LAMC2: variants seen among roughly 807,000 people sequenced by gnomAD.
LAMC2 encodes the protein laminin subunit gamma 2.
LAMC2 carries 97 observed loss-of-function variants against 140.2 expected under a neutral mutation model. The observed-to-expected ratio is 0.69, with a 90% CI of 0.59 to 0.82. The LOEUF (loss-of-function observed/expected upper bound fraction) is 0.82, where lower values mean the gene tolerates loss of function less well. LAMC2 is among the 40% of genes least tolerant of loss of function. LAMC2 has a pLI of 0.00. For synonymous variants in LAMC2, 513 were observed against 540.2 expected (o/e 0.95, Z 0.70); for missense variants, 1,402 against 1,476.1 (o/e 0.95, Z 0.82).
intron 1 of LAMC2, among the ~76,000 whole-genome samples, chr1:183,199,481 C>T (rs1347449859): frequency 6.6e-6 from 1 of 151,738 alleles, no homozygotes; most frequent in Non-Finnish European, 1.5e-5. Context: ...TTCTTCCTTC[C>T]TTCCCTCCCT....
chr1:183,238,380 C>G lies in LAMC2; in HGVS notation c.2828C>G (p.Ala943Gly), dbSNP rs748555907. 1 of 1,613,774 alleles carries G rather than the reference C, an allele frequency of 6.2e-7. No individual in the cohort carries two copies. The highest frequency in any genetic ancestry group is 2.2e-5 in the East Asian group (1 of 44,886). Residue 943 changes from alanine to glycine, a missense_variant, in exon 19 of 23, where the codon GCC becomes GGC. Transcript: ENST00000264144. ...RAQEALSMGN[A>G]TFYEVESILK... ...CAAGAAGCACTGAGTATGGGCAATG[C>G]CACTTTTTATGAAGTTGAGAGCATC...
At chr1:183,257,733 G>A in the LAMC2 span, among the ~76,000 whole-genome samples, 4 of 147,182 alleles carry the variant, frequency 2.7e-5, no homozygotes, top group African/African-American at 1.0e-4. Flanking sequence ...TTTCATTTCT[G>A]ATTTTATATA....
chr1:183,247,588 C>T (rs1381483392), downstream of LAMC2, among the ~76,000 whole-genome samples: 1 of 150,374 alleles, frequency 6.7e-6, no homozygotes, highest in Non-Finnish European at 1.5e-5. Flanking sequence ...CCAAATGATT[C>T]ATTTAAAAAA....
At chr1:183,226,309 G>A (rs1465663732) in intron 8 of LAMC2, among the ~76,000 whole-genome samples, 1 of 152,028 alleles carries the variant, frequency 6.6e-6, no homozygotes, top group Non-Finnish European at 1.5e-5. Flanking sequence ...AAGCAGAAAG[G>A]TGTAACAATG....
intron 3 of LAMC2, among the ~76,000 whole-genome samples, chr1:183,215,900 C>A (rs1483459213): frequency 1.3e-5 from 2 of 152,194 alleles, no homozygotes; most frequent in Non-Finnish European, 2.9e-5. Context: ...GCAATTGCTT[C>A]CCTCTAGATG....
At chr1:183,200,224 C>T (rs1558081204) in intron 1 of LAMC2, among the ~76,000 whole-genome samples, 1 of 152,048 alleles carries the variant, frequency 6.6e-6, no homozygotes, top group Non-Finnish European at 1.5e-5. Flanking sequence ...AACCCTATCT[C>T]TAATAAACAT....
chr1:183,224,379 A>G (rs1659565226), intron 7 of LAMC2, among the ~76,000 whole-genome samples: 1 of 152,216 alleles, frequency 6.6e-6, no homozygotes, highest in East Asian at 1.9e-4. Context: ...CTTGTGTGTC[A>G]TGTCAAGGAG....
chr1:183,224,114 C>T (rs1442217804), intron 7 of LAMC2, among the ~76,000 whole-genome samples: 4 of 152,088 alleles, frequency 2.6e-5, no homozygotes, highest in African/African-American at 7.2e-5. Flanking sequence ...GGAAAGTGCC[C>T]GATTCTGCCT....
Position 183,235,628 on chromosome 1 carries a change from A to C in LAMC2, c.2354A>C (p.Tyr785Ser). ...CAACTGACAAGGGAAACTGAGGACT[A>C]TTCCAAACAAGCCCTCTCACTGGTG... is the stretch of plus-strand genomic sequence containing the variant. Reference protein sequence around the residue: ...MEQLTRETEDYSKQALSLVRK... With the variant: ...MEQLTRETEDSSKQALSLVRK... Residue 785 changes from tyrosine to serine, a missense_variant, in exon 16 of 23, where the codon TAT (tyrosine) becomes TCT (serine). By Grantham distance (144) the Tyr-to-Ser change is moderately radical (BLOSUM62 -2). Transcript: ENST00000264144. 1 of 1,614,236 alleles carries C rather than the reference A, an allele frequency of 6.2e-7. No homozygotes were observed. The highest frequency in any genetic ancestry group is 8.5e-7 in the Non-Finnish European group (1 of 1,180,036).
chr1:183,209,549 C>T (rs1659009024), intron 2 of LAMC2, among the ~76,000 whole-genome samples: 1 of 152,118 alleles, frequency 6.6e-6, no homozygotes, highest in African/African-American at 2.4e-5. Context: ...TTTAGCAGTC[C>T]TCCCTATGAA....
At chr1:183,197,031 G>GA (rs1189865033) in intron 1 of LAMC2, among the ~76,000 whole-genome samples, 1 of 152,140 alleles carries the variant, frequency 6.6e-6, no homozygotes, top group Non-Finnish European at 1.5e-5. Flanking sequence ...GGAAAGGAAA[G>GA]AAACTACAGA....
chr1:183,258,375 C>A, the LAMC2 span, among the ~76,000 whole-genome samples: 1 of 152,344 alleles, frequency 6.6e-6, no homozygotes, highest in East Asian at 1.9e-4. Context: ...CTTGAAACCA[C>A]CTTTGCAAAA....
At chr1:183,231,831 T>G (rs1659809314) in intron 12 of LAMC2, among the ~76,000 whole-genome samples, 1 of 152,220 alleles carries the variant, frequency 6.6e-6, no homozygotes. Flanking sequence ...TCAGGCACTG[T>G]TCTCTTGTCT....
intron 8 of LAMC2, among the ~76,000 whole-genome samples, chr1:183,226,208 T>C (rs1485109383): frequency 6.7e-6 from 1 of 150,242 alleles, no homozygotes; most frequent in East Asian, 2.0e-4. Flanking sequence ...TTAACAAGAG[T>C]TCCTTAAGCT....
chr1:183,255,798 G>A, the LAMC2 span, among the ~76,000 whole-genome samples: 165 of 151,680 alleles, frequency 1.1e-3, 4 homozygotes, highest in East Asian at 0.029. Flanking sequence ...CGAGTAGCTC[G>A]GATTACAGGC....
At chr1:183,208,388 G>A (rs1246498165) in intron 2 of LAMC2, among the ~76,000 whole-genome samples, 7 of 152,102 alleles carry the variant, frequency 4.6e-5, no homozygotes, top group Non-Finnish European at 8.8e-5. Flanking sequence ...TTCCAGGCAG[G>A]TGACAGTCTT....
chr1:183,202,406 G>C (rs556706801), intron 1 of LAMC2, among the ~76,000 whole-genome samples: 1 of 152,170 alleles, frequency 6.6e-6, no homozygotes, highest in South Asian at 2.1e-4. Context: ...AAGAAGGAAG[G>C]GGGAAAGGGG....
At chr1:183,238,727 C>T (rs1009763258) in intron 19 of LAMC2, among the ~76,000 whole-genome samples, 1 of 152,134 alleles carries the variant, frequency 6.6e-6, no homozygotes, top group Non-Finnish European at 1.5e-5. Flanking sequence ...TTTAAAGAGA[C>T]GAGGTTAAAC....
At chr1:183,257,525 T>C in the LAMC2 span, among the ~76,000 whole-genome samples, 2 of 152,222 alleles carry the variant, frequency 1.3e-5, no homozygotes, top group Non-Finnish European at 2.9e-5. Context: ...CTTTTCTTTG[T>C]TGGGAAGTTT....
Sources: gnomAD v4.1 joint callset for allele counts (sites outside exome capture counted in the v4.1 genomes callset) on GRCh38, gnomAD v4.1.1 for gene constraint, MANE v1.5 for transcripts, NCBI Gene and HGNC (gene_info 2026-07-23, HGNC 2026-07-21) for gene names.